The following SBK1 variants were observed in gnomAD, a reference collection of about 807,000 sequenced individuals.
The protein encoded by SBK1 is serine/threonine-protein kinase SBK1.
SBK1 carries 11 observed loss-of-function variants against 24.4 expected under a neutral mutation model. The observed-to-expected ratio is 0.45, with a 90% CI of 0.28 to 0.75. The LOEUF (loss-of-function observed/expected upper bound fraction) is 0.75. Among genes scored for constraint, SBK1 ranks in the 30% least tolerant of loss-of-function variants. The pLI is 0.12. For missense variants in SBK1, 467 were observed against 620.5 expected (o/e 0.75, Z 2.63); for synonymous variants, 308 against 284.4 (o/e 1.08, Z -0.83).
At chr16:28,268,424 T>G (rs557113282) in intron 1 of SBK1, among the ~76,000 whole-genome samples, 8 of 123,610 alleles carry the variant, frequency 6.5e-5, no homozygotes, top group East Asian at 4.3e-4. Context: ...TAAAAATGGG[T>G]TTTTTTTTTT....
chr16:28,319,829 C>T lies in SBK1; in HGVS notation c.430-247C>T, dbSNP rs1202120516. On this transcript the variant is annotated intron_variant, in intron 3 of 3. Transcript: ENST00000341901. This position sits in a 1 kb window ranked among gnomAD's most constrained non-coding sequence, Gnocchi z 4.0. ...CCCTCATCAACCTCCTGGAGAGCCG[C>T]GTGTCCCTCCTGGAGCCCCGATGTC... Among the ~76,000 whole-genome samples the T allele has an allele frequency of 6.6e-6, 1 of 152,108 alleles. No individual in the cohort carries two copies. The highest frequency in any genetic ancestry group is 1.5e-5 in the Non-Finnish European group (1 of 68,012).
chr16:28,278,228 C>T (rs2044507129), intron 1 of SBK1, among the ~76,000 whole-genome samples: 2 of 152,196 alleles, frequency 1.3e-5, no homozygotes, highest in Admixed American at 6.5e-5. Context: ...CATCCGGTCC[C>T]GGGAGAGAGA....
At chr16:28,298,849 C>T (rs989478584) in intron 1 of SBK1, among the ~76,000 whole-genome samples, 1 of 152,252 alleles carries the variant, frequency 6.6e-6, no homozygotes, top group Non-Finnish European at 1.5e-5. Context: ...GGACCATCCT[C>T]CTCCTTCTGA....
intron 1 of SBK1, among the ~76,000 whole-genome samples, chr16:28,271,688 G>C (rs1030992890): frequency 1.2e-4 from 19 of 152,186 alleles, no homozygotes; most frequent in African/African-American, 4.1e-4. Flanking sequence ...GAAATTGATA[G>C]AATACCTAAT....
chr16:28,267,652 C>T (rs1398185538), intron 1 of SBK1, among the ~76,000 whole-genome samples: 1 of 152,158 alleles, frequency 6.6e-6, no homozygotes, highest in African/African-American at 2.4e-5. Flanking sequence ...TAAATGAACA[C>T]GTGGTAATAA....
In SBK1 at chr16:28,320,056, C is replaced by A. The variant is rs1364713883; in HGVS notation, c.430-20C>A. ...CGCTGGAGAGCTGGAAACAGCGCGG[C>A]TTCCCCCGGCCGCCCGCAGGTGGGG... On this transcript the variant is annotated intron_variant, in intron 3 of 3. Transcript: ENST00000341901. This position sits in a 1 kb window ranked among gnomAD's most constrained non-coding sequence, Gnocchi z 8.5. The A allele has an allele frequency of 3.4e-6, 5 of 1,461,906 alleles. No individual in the cohort carries two copies. Among genetic ancestry groups the A allele is most frequent in the East Asian group, 2.5e-5 (1 of 39,842 alleles). The allele number at this position is 1,461,906 out of a possible 1,614,324, so 90.6% of individuals were successfully genotyped here.
intron 1 of SBK1, among the ~76,000 whole-genome samples, chr16:28,273,286 T>A (rs2044478095): frequency 6.6e-6 from 1 of 151,960 alleles, no homozygotes; most frequent in Non-Finnish European, 1.5e-5. Flanking sequence ...AATGGCGCAG[T>A]CTCGGCTCAC....
intron 1 of SBK1, among the ~76,000 whole-genome samples, chr16:28,312,579 C>T (rs2044761015): frequency 2.0e-5 from 3 of 152,172 alleles, no homozygotes; most frequent in South Asian, 2.1e-4. Flanking sequence ...ACCGGGTTCT[C>T]TGGGCCTGGC....
chr16:28,289,812 G>A (rs1046541455), upstream of SBK1, among the ~76,000 whole-genome samples: 8 of 151,722 alleles, frequency 5.3e-5, no homozygotes, highest in Non-Finnish European at 1.2e-4. Flanking sequence ...AGGGCTGGGC[G>A]TGGTGGCTCA....
At chr16:28,302,637 C>G (rs1250945912) in intron 1 of SBK1, among the ~76,000 whole-genome samples, 1 of 152,178 alleles carries the variant, frequency 6.6e-6, no homozygotes, top group Non-Finnish European at 1.5e-5. Context: ...TCTCTTGGTT[C>G]CTTTTACTCC....
chr16:28,290,887 G>C (rs548825623), upstream of SBK1: 3 of 152,154 alleles, frequency 2.0e-5, no homozygotes, highest in African/African-American at 2.4e-5. Context: ...CAATATTTCC[G>C]AATTTTGGGA....
Position 28,317,251 on chromosome 16 carries a change from C to T in SBK1, c.-7-134C>T. On this transcript the variant is annotated intron_variant, in intron 1 of 3. Transcript: ENST00000341901. The surrounding 1 kb of genome is among the most constrained non-coding windows in gnomAD (Gnocchi z 4.2). ...GGCGACGCGACCAAGATGCTTGTCG[C>T]CCCCTTGTGGTTATCTTGGGCCTGG... 1 of 659,902 alleles carries T rather than the reference C, an allele frequency of 1.5e-6. No homozygotes were observed. Among genetic ancestry groups the T allele is most frequent in the Non-Finnish European group, 2.6e-6 (1 of 383,768 alleles). The allele number at this position is 659,902 out of a possible 1,614,324, so 40.9% of individuals were successfully genotyped here.
Position 28,259,495 on chromosome 16 carries a change from T to C in SBK1, c.250T>C (p.Leu84=). 2.0e-6 allele frequency: 2 copies of C among 984,242 alleles called. No homozygotes were observed. Among genetic ancestry groups the C allele is most frequent in the Non-Finnish European group, 2.4e-6 (2 of 828,818 alleles). 61.0% of individuals were successfully genotyped at this position (984,242 alleles called of 1,614,324 possible). A position where few individuals can be genotyped will look rare whatever the true frequency, so the allele number is the denominator to read the frequency against. Reference sequence around the variant, plus strand: ...AGAGGAGCTGCTGGAAGAAGTCCCATTGCGGAGGTCAGTGCTCGTGGGTGG... The same window carrying C: ...AGAGGAGCTGCTGGAAGAAGTCCCACTGCGGAGGTCAGTGCTCGTGGGTGG... The change falls in exon 1 of 4, where the codon TTG becomes CTG. Residue 84 remains leucine (L), a synonymous_variant. Transcript: ENST00000671413. This position sits in a 1 kb window ranked among gnomAD's most constrained non-coding sequence, Gnocchi z 6.0.
intron 1 of SBK1, among the ~76,000 whole-genome samples, chr16:28,279,799 C>G (rs898383550): frequency 1.3e-5 from 2 of 152,002 alleles, no homozygotes; most frequent in African/African-American, 4.8e-5. Context: ...CCTTCCTCCC[C>G]GGACCTCAGT....
At chr16:28,294,087 G>C (rs2044621747) in intron 1 of SBK1, among the ~76,000 whole-genome samples, 1 of 152,104 alleles carries the variant, frequency 6.6e-6, no homozygotes, top group Non-Finnish European at 1.5e-5. Flanking sequence ...GTTAAACCAA[G>C]GGTTGGCTCA....
intron 1 of SBK1, among the ~76,000 whole-genome samples, chr16:28,270,443 A>C (rs1597010007): frequency 6.6e-6 from 1 of 151,320 alleles, no homozygotes; most frequent in East Asian, 1.9e-4. Context: ...TATTATTACT[A>C]AAGACAGGGT....
At chr16:28,265,609 C>T (rs1418418432) in intron 1 of SBK1, among the ~76,000 whole-genome samples, 2 of 151,852 alleles carry the variant, frequency 1.3e-5, no homozygotes, top group Non-Finnish European at 2.9e-5. Context: ...AAATTAAAAA[C>T]ATAAATAATT....
intron 1 of SBK1, among the ~76,000 whole-genome samples, chr16:28,272,619 CT>C (rs71140961): frequency 7.0e-3 from 744 of 105,956 alleles, no homozygotes; most frequent in African/African-American, 0.022. Context: ...TTCTTTCTTT[CT>C]TTTTTTTTTT....
At position 28,314,547 on chromosome 16, in the gene SBK1, T is replaced by G. The variant is rs193285271; in HGVS notation, c.-7-2838T>G. The stretch of plus-strand genomic sequence containing the variant: ...TGCCCAAGGACATCCAGCTAGCAAG[T>G]GACAGAGTTGGGACTCAGACCCAGG... On this transcript the variant is annotated intron_variant, in intron 1 of 3. Coordinates refer to ENST00000341901, the MANE Select transcript of SBK1 (RefSeq NM_001024401.3). Among the ~76,000 whole-genome samples the G allele has an allele frequency of 2.1e-3, 314 of 152,294 alleles. 1 individual carries two copies. Among genetic ancestry groups the G allele is most frequent in the African/African-American group, 7.2e-3 (300 of 41,576 alleles).
Sources: allele counts gnomAD v4.1 joint callset (sites outside exome capture counted in the v4.1 genomes callset), GRCh38; gene constraint gnomAD v4.1.1; non-coding constraint Gnocchi (gnomAD v3.1); transcripts MANE v1.5; gene names NCBI Gene and HGNC (gene_info 2026-07-23, HGNC 2026-07-21).